NLRP14: variants seen among roughly 807,000 people sequenced by gnomAD.
NLRP14 encodes NLR family pyrin domain containing 14, also known as NACHT, LRR and PYD domains-containing protein 14.
Under a neutral mutation model 94.7 loss-of-function variants are expected in NLRP14, and 105 were observed. The ratio of observed to expected loss-of-function variants is 1.11; its 90% confidence interval spans 0.95 to 1.30. NLRP14 has a LOEUF of 1.30. Ranked by LOEUF, NLRP14 falls within the 50% of genes most tolerant of loss-of-function variation. NLRP14 has a pLI of 0.00. For synonymous variants in NLRP14, 508 were observed against 459.9 expected (o/e 1.10, Z -1.34); for missense variants, 1,362 against 1,254.1 (o/e 1.09, Z -1.30).
chr11:7,057,987 C>G (rs771086070), intron 7 of NLRP14, 140 bp downstream of exon 7: 17 of 750,094 alleles, frequency 2.3e-5, no homozygotes, highest in African/African-American at 1.6e-4. Flanking sequence ...ACATGCATCC[C>G]CCTTCTCTTC....
Position 7,071,458 on chromosome 11 carries a change from T to C in NLRP14, c.*150T>C. ...CAGATACCATTCATCTACTTCTCTG[T>C]AAAATGTCTGTTCTACTTCACACAG... On this transcript the variant is annotated 3_prime_UTR_variant, in exon 12 of 12. Transcript: ENST00000299481. 1 of 674,434 alleles carries C rather than the reference T, an allele frequency of 1.5e-6. No individual in the cohort carries two copies. Among genetic ancestry groups the C allele is most frequent in the South Asian group, 1.7e-5 (1 of 57,490 alleles). The allele number at this position is 674,434 out of a possible 1,614,324, so 41.8% of individuals were successfully genotyped here. A position where few individuals can be genotyped will look rare whatever the true frequency, so the allele number is the denominator to read the frequency against.
the NLRP14 span, chr11:7,090,345 C>G: frequency 1.3e-6 from 2 of 1,539,390 alleles, no homozygotes; most frequent in Non-Finnish European, 1.8e-6. Flanking sequence ...ACGAAACTAA[C>G]AAAAAGAAGA....
chr11:7,081,432 T>A, the NLRP14 span, among the ~76,000 whole-genome samples: 1 of 152,134 alleles, frequency 6.6e-6, no homozygotes, highest in African/African-American at 2.4e-5. Context: ...TCTTTTATAG[T>A]CACAGAGTCC....
intron 1 of NLRP14, among the ~76,000 whole-genome samples, chr11:7,032,123 T>C (rs1399919722): frequency 6.6e-6 from 1 of 152,200 alleles, no homozygotes; most frequent in East Asian, 1.9e-4. Flanking sequence ...TTTCTCCACT[T>C]ATTTAAGGAA....
At chr11:7,047,489 A>G (rs1320065379) in intron 5 of NLRP14, among the ~76,000 whole-genome samples, 2 of 151,732 alleles carry the variant, frequency 1.3e-5, no homozygotes, top group East Asian at 1.9e-4. Context: ...AATTTTTTGT[A>G]GAGATGTGGT....
chr11:7,071,591 C>T (rs568196632), downstream of NLRP14, among the ~76,000 whole-genome samples: 1 of 146,620 alleles, frequency 6.8e-6, no homozygotes, highest in South Asian at 2.3e-4. Flanking sequence ...GGATATGAGG[C>T]TGGAGGATGC....
intron 7 of NLRP14, 50 bp from the exon 8 acceptor site, chr11:7,058,230 G>A (rs759809208): frequency 6.6e-7 from 1 of 1,504,280 alleles, no homozygotes; most frequent in South Asian, 1.1e-5. Context: ...GAGAAGAGAA[G>A]CATGGGCTTT....
At chr11:7,072,732 G>C (rs1181402011), downstream of NLRP14, among the ~76,000 whole-genome samples, 3 of 152,160 alleles carry the variant, frequency 2.0e-5, no homozygotes, top group Non-Finnish European at 2.9e-5. Context: ...ACAGGTCAAA[G>C]TCCACCATCT....
At chr11:7,041,637 T>C (rs1269452976) in intron 3 of NLRP14, among the ~76,000 whole-genome samples, 1 of 152,184 alleles carries the variant, frequency 6.6e-6, no homozygotes, top group Non-Finnish European at 1.5e-5. Flanking sequence ...GACCATGCAA[T>C]GATGAAGCCC....
At chr11:7,022,339 G>A (rs184889602) in intron 1 of NLRP14, among the ~76,000 whole-genome samples, 48 of 152,318 alleles carry the variant, frequency 3.2e-4, no homozygotes, top group Non-Finnish European at 5.3e-4. Flanking sequence ...AAACTGCCTT[G>A]CATGGGAAGA....
Position 7,042,560 on chromosome 11 carries a change from C to A in NLRP14, c.534C>A (p.Ile178=), listed in dbSNP as rs138061199. The A allele has an allele frequency of 5.2e-5, 84 of 1,614,184 alleles. No individual in the cohort carries two copies. In the African/African-American group the frequency reaches 9.9e-4, roughly 19 times the overall value. Residue 178 remains isoleucine, a synonymous_variant, in exon 4 of 12, where the codon ATC becomes ATA. Coordinates refer to ENST00000299481, the MANE Select transcript of NLRP14 (RefSeq NM_176822.4). ...VDVKTGAQPQ[I]VVLQGAAGVG... is the part of the protein sequence containing the mutation. ...TCAAAACCGGTGCACAGCCACAGAT[C>A]GTGGTGCTTCAGGGAGCTGCTGGAG... is the stretch of plus-strand genomic sequence containing the variant.
Position 7,071,276 on chromosome 11 carries a change from G to A in NLRP14, c.3250G>A (p.Glu1084Lys). 1 of 1,613,536 alleles carries A rather than the reference G, an allele frequency of 6.2e-7. No homozygotes were observed. The highest frequency in any genetic ancestry group is 8.5e-7 in the Non-Finnish European group (1 of 1,179,652). The change falls in exon 12 of 12, where the codon GAA becomes AAA. Residue 1084 changes from glutamate (E) to lysine (K), a missense_variant. Physicochemically the swap from Glu to Lys is moderately conservative, Grantham distance 56 (BLOSUM62 1). Transcript: ENST00000299481. Reference protein sequence around the residue: ...IIKPDCNYHNEEDVSWWWCF With the variant: ...IIKPDCNYHNKEDVSWWWCF Reference sequence around the variant, plus strand: ...TAAGCCAGATTGTAACTATCATAATGAAGAAGATGTGTCTTGGTGGTGGTG... The same window carrying A: ...TAAGCCAGATTGTAACTATCATAATAAAGAAGATGTGTCTTGGTGGTGGTG...
rs1246206041 is a variant in NLRP14 at position 7,058,359 on chromosome 11, T to G, written c.2542T>G (p.Leu848Val). 1 of 1,612,742 alleles carries G rather than the reference T, an allele frequency of 6.2e-7. No homozygotes were observed. The highest frequency in any genetic ancestry group is 1.3e-5 in the African/African-American group (1 of 74,832). The part of the protein sequence containing the change: ...ALISNKRLTH[L>V]CLADNVLGDG... ...CATCAGCAATAAAAGACTGACACAT[T>G]TGTGCTTGGCAGACAATGTCTTGGG... is the stretch of plus-strand genomic sequence containing the variant. The change falls in exon 8 of 12, where the codon TTG (leucine) becomes GTG (valine). Residue 848 changes from leucine (L) to valine (V), a missense_variant. Transcript: ENST00000299481.
At chr11:7,076,270 G>A (rs953625756), downstream of NLRP14, among the ~76,000 whole-genome samples, 7 of 152,088 alleles carry the variant, frequency 4.6e-5, no homozygotes, top group Non-Finnish European at 8.8e-5. Flanking sequence ...GGAAGAAAGG[G>A]TTTGCAATTT....
intron 3 of NLRP14, among the ~76,000 whole-genome samples, chr11:7,042,015 C>T (rs1232735701): frequency 6.7e-6 from 1 of 150,240 alleles, no homozygotes; most frequent in Non-Finnish European, 1.5e-5. Flanking sequence ...TTAATGGTTG[C>T]CTCTGTTCTT....
In NLRP14 at chr11:7,071,440, C is replaced by T. The variant is rs898333366; in HGVS notation, c.*132C>T. 4.3e-6 allele frequency: 3 copies of T among 703,874 alleles called. No individual in the cohort carries two copies. The highest frequency in any genetic ancestry group is 7.4e-6 in the Non-Finnish European group (3 of 402,984). The allele number at this position is 703,874 out of a possible 1,614,324, so 43.6% of individuals were successfully genotyped here. On this transcript the variant is annotated 3_prime_UTR_variant, in exon 12 of 12. Transcript: ENST00000299481. ...AGTGCACTTGGCAGCTGTCAGATAC[C>T]ATTCATCTACTTCTCTGTAAAATGT...
chr11:7,062,277 A>T, intron 9 of NLRP14, 56 bp from the exon 10 acceptor site: 2 of 1,469,708 alleles, frequency 1.4e-6, no homozygotes, highest in Non-Finnish European at 1.9e-6. Context: ...TCCTAGGAAG[A>T]AACTTATTTA....
the NLRP14 span, among the ~76,000 whole-genome samples, chr11:7,078,437 C>CA: frequency 2.4e-3 from 37 of 15,362 alleles, 1 homozygote; most frequent in African/African-American, 5.9e-3. Flanking sequence ...GACTCTGTCT[C>CA]AAAAAAAAAA....
At position 7,043,752 on chromosome 11, in the gene NLRP14, C is replaced by T. The variant is rs1852308462; in HGVS notation, c.1726C>T (p.Gln576Ter). The T allele has an allele frequency of 6.2e-7, 1 of 1,614,124 alleles. No individual in the cohort carries two copies. The highest frequency in any genetic ancestry group is 1.1e-5 in the South Asian group (1 of 91,080). ...AGGAAACAGTGACTATTCTCCATCA[C>T]AGCTGGGATTTCTGGAGTTGTTTCA... The part of the protein sequence containing the change: ...VLGNSDYSPS[Q>*]LGFLELFHCL... Residue 576 changes from glutamine (Q) to a stop codon, truncating the protein, a stop_gained, in exon 4 of 12, where the codon CAG (glutamine) becomes TAG (stop). Transcript: ENST00000299481. LOFTEE classifies it high-confidence loss of function.
Sources: gnomAD v4.1 joint callset for allele counts (sites outside exome capture counted in the v4.1 genomes callset) on GRCh38, gnomAD v4.1.1 for gene constraint, MANE v1.5 for transcripts, NCBI Gene and HGNC (gene_info 2026-07-23, HGNC 2026-07-21) for gene names.